Variants in C1orf21 observed in about 807,000 individuals in gnomAD.
C1orf21 encodes the protein chromosome 1 open reading frame 21.
C1orf21 carries 3 observed loss-of-function variants against 18.7 expected under a neutral mutation model. The ratio of observed to expected loss-of-function variants is 0.16; its 90% CI spans 0.07 to 0.42. The LOEUF (loss-of-function observed/expected upper bound fraction) is 0.42. C1orf21 is among the 10% of genes least tolerant of loss of function. C1orf21 has a pLI of 0.99. For missense variants in C1orf21, 104 were observed against 143.6 expected (o/e 0.72, Z 1.41); for synonymous variants, 41 against 46.4 (o/e 0.88, Z 0.47).
At chr1:184,585,883 G>A (rs548917357) in intron 3 of C1orf21, among the ~76,000 whole-genome samples, 1 of 152,254 alleles carries the variant, frequency 6.6e-6, no homozygotes, top group East Asian at 1.9e-4. Context: ...GGGCATTTGG[G>A]TTGATTCCAT....
chr1:184,558,841 G>A (rs1310946394), intron 3 of C1orf21, among the ~76,000 whole-genome samples: 1 of 152,220 alleles, frequency 6.6e-6, no homozygotes, highest in Non-Finnish European at 1.5e-5. Context: ...AAAACCATCT[G>A]GACAATGCCT....
At chr1:184,449,116 T>C (rs1040193853) in intron 1 of C1orf21, among the ~76,000 whole-genome samples, 65 of 152,156 alleles carry the variant, frequency 4.3e-4, no homozygotes, top group Non-Finnish European at 6.3e-4. Flanking sequence ...TTGTTACATA[T>C]GTATACATGT....
At chr1:184,475,798 G>A (rs1014150119) in intron 1 of C1orf21, among the ~76,000 whole-genome samples, 14 of 145,784 alleles carry the variant, frequency 9.6e-5, no homozygotes, top group African/African-American at 3.5e-4. Context: ...CACAGGCCTG[G>A]ATTTCATATA....
intron 1 of C1orf21, among the ~76,000 whole-genome samples, chr1:184,421,653 C>T (rs535110358): frequency 6.6e-6 from 1 of 152,218 alleles, no homozygotes; most frequent in South Asian, 2.1e-4. Context: ...GTTTCTGTGT[C>T]TCAAGGTCTC....
rs188077854 is a variant in C1orf21 at position 184,610,797 on chromosome 1, G to A, written c.328-8721G>A. ...TGGGAGGCGGAGCTTGTAGTGAGCCGAGATCGCCCACTGCACTCCAGCCTG... is the reference window on the plus strand; with the variant it reads ...TGGGAGGCGGAGCTTGTAGTGAGCCAAGATCGCCCACTGCACTCCAGCCTG... On this transcript the variant is annotated intron_variant, in intron 5 of 5. Coordinates refer to ENST00000235307, the MANE Select transcript of C1orf21 (RefSeq NM_030806.4). Among the ~76,000 whole-genome samples the A allele has an allele frequency of 5.6e-3, 841 of 149,436 alleles. 6 individuals are homozygous for A. Among genetic ancestry groups the A allele is most frequent in the African/African-American group, 0.02 (790 of 40,360 alleles).
At chr1:184,529,673 A>C (rs887354462) in intron 3 of C1orf21, among the ~76,000 whole-genome samples, 1 of 152,220 alleles carries the variant, frequency 6.6e-6, no homozygotes, top group Non-Finnish European at 1.5e-5. Context: ...GACAAAGAGC[A>C]GTCCAATAAA....
chr1:184,542,758 A>G (rs1658673975), intron 3 of C1orf21: 1 of 152,292 alleles, frequency 6.6e-6, no homozygotes, highest in South Asian at 2.1e-4. Context: ...CAAGACAAGG[A>G]TGATTGTCTT....
intron 1 of C1orf21, among the ~76,000 whole-genome samples, chr1:184,410,609 CATATATATTATATATATATATAT>C (rs1656317831): frequency 1.9e-5 from 1 of 52,512 alleles, no homozygotes; most frequent in African/African-American, 1.6e-4. Context: ...ATTAATTTGC[CATATATATTATATATATATATAT>C]ATATATATAT....
At chr1:184,491,582 G>T (rs1416211934) in intron 2 of C1orf21, among the ~76,000 whole-genome samples, 1 of 152,146 alleles carries the variant, frequency 6.6e-6, no homozygotes, top group Non-Finnish European at 1.5e-5. Context: ...GAACTCCTGA[G>T]CTCAAGCAAT....
At chr1:184,612,489 G>C (rs968722619) in intron 5 of C1orf21, among the ~76,000 whole-genome samples, 1 of 152,220 alleles carries the variant, frequency 6.6e-6, no homozygotes, top group Admixed American at 6.5e-5. Context: ...ACTTTGGGAG[G>C]CCAAAGCAGG....
chr1:184,581,790 C>T (rs1225324352), intron 3 of C1orf21, among the ~76,000 whole-genome samples: 1 of 152,174 alleles, frequency 6.6e-6, no homozygotes, highest in Non-Finnish European at 1.5e-5. Context: ...TGAAAAGCAA[C>T]TTTGTGAAAA....
At chr1:184,438,844 A>G (rs1412610054) in intron 1 of C1orf21, among the ~76,000 whole-genome samples, 1 of 152,218 alleles carries the variant, frequency 6.6e-6, no homozygotes, top group Non-Finnish European at 1.5e-5. Flanking sequence ...GGAGGTGACC[A>G]CAGAGATTAC....
At chr1:184,566,865 T>C (rs545835147) in intron 3 of C1orf21, 8 of 493,206 alleles carry the variant, frequency 1.6e-5, no homozygotes, top group East Asian at 1.1e-4. Flanking sequence ...GGAGTCAATG[T>C]GACAACAGCT....
At chr1:184,399,111 G>A (rs1173762740) in intron 1 of C1orf21, among the ~76,000 whole-genome samples, 1 of 152,038 alleles carries the variant, frequency 6.6e-6, no homozygotes, top group African/African-American at 2.4e-5. Context: ...AGATGCATTT[G>A]TCTTATTTAC....
chr1:184,470,984 G>A (rs1657488126), intron 1 of C1orf21, among the ~76,000 whole-genome samples: 1 of 152,022 alleles, frequency 6.6e-6, no homozygotes. Flanking sequence ...CTTCTGCATG[G>A]GTCCACACAG....
intron 3 of C1orf21, among the ~76,000 whole-genome samples, chr1:184,576,245 C>T (rs542570138): frequency 3.9e-5 from 6 of 152,232 alleles, no homozygotes; most frequent in African/African-American, 1.4e-4. Context: ...CTGCCTCAGC[C>T]TCCTGAGTAG....
rs189491072 is a variant in C1orf21, at chr1:184,441,360, A to C, written c.-124-36026A>C. 3.6e-3 allele frequency among the ~76,000 whole-genome samples: 552 copies of C among 152,360 alleles called. 2 individuals are homozygous for C. Among genetic ancestry groups the C allele is most frequent in the Middle Eastern group, 6.8e-3 (2 of 294 alleles). On this transcript the variant is annotated intron_variant, in intron 1 of 5. Transcript: ENST00000235307. The stretch of plus-strand genomic sequence containing the variant: ...CTTCCTCTTTACAAAAAGGGGTGGC[A>C]GGGCGAAGACCTGGTTTGTCCAGAA...
intron 3 of C1orf21, among the ~76,000 whole-genome samples, chr1:184,534,972 G>A (rs1472792924): frequency 1.3e-5 from 2 of 152,158 alleles, no homozygotes; most frequent in African/African-American, 4.8e-5. Context: ...GCAGTGAGGG[G>A]CTGGATCTGG....
intron 4 of C1orf21, among the ~76,000 whole-genome samples, chr1:184,595,150 A>C (rs984259020): frequency 2.0e-5 from 3 of 152,180 alleles, no homozygotes; most frequent in Non-Finnish European, 4.4e-5. Flanking sequence ...GAGAAATAGG[A>C]ATTACTAAAA....
Sources: gnomAD v4.1 joint callset for allele counts (sites outside exome capture counted in the v4.1 genomes callset) on GRCh38, gnomAD v4.1.1 for gene constraint, MANE v1.5 for transcripts, NCBI Gene and HGNC (gene_info 2026-07-23, HGNC 2026-07-21) for gene names.